Variants in FOXN3 observed in about 807,000 individuals in gnomAD.
FOXN3 encodes forkhead box N3.
In FOXN3, 7 loss-of-function variants were observed where a neutral mutation model predicts 38.4. The observed-to-expected ratio is 0.18, with a 90% confidence interval of 0.10 to 0.34. The LOEUF is 0.34. FOXN3 is among the 10% of genes least tolerant of loss of function. FOXN3 has a pLI of 1.00. For missense variants in FOXN3, 456 were observed against 613.4 expected (o/e 0.74, Z 2.71); for synonymous variants, 230 against 242.2 (o/e 0.95, Z 0.47).
intron 1 of FOXN3, among the ~76,000 whole-genome samples, chr14:89,485,915 A>G (rs1328716119): frequency 6.6e-6 from 1 of 152,118 alleles, no homozygotes; most frequent in Non-Finnish European, 1.5e-5. Context: ...CCACAGTGAC[A>G]AAGCCCAACT....
At chr14:89,297,458 G>A (rs1398593462) in intron 3 of FOXN3, among the ~76,000 whole-genome samples, 1 of 151,812 alleles carries the variant, frequency 6.6e-6, no homozygotes, top group Admixed American at 6.6e-5. Flanking sequence ...TACTCAGGAG[G>A]CTGAGGCGAG....
intron 1 of FOXN3, among the ~76,000 whole-genome samples, chr14:89,441,673 C>G (rs1892386362): frequency 6.6e-6 from 1 of 152,122 alleles, no homozygotes; most frequent in Admixed American, 6.5e-5. Context: ...AAGAAAGAGA[C>G]AGAAAGAGCT....
intron 5 of FOXN3, among the ~76,000 whole-genome samples, chr14:89,176,226 ACAT>A (rs761952712): frequency 3.9e-5 from 6 of 152,264 alleles, no homozygotes; most frequent in Non-Finnish European, 7.3e-5. Context: ...AGGAGATTTC[ACAT>A]CATAATTATA....
At chr14:89,499,575 CTAAAT>C (rs1225820518) in intron 1 of FOXN3, among the ~76,000 whole-genome samples, 7 of 150,582 alleles carry the variant, frequency 4.6e-5, no homozygotes, top group South Asian at 2.1e-4. Context: ...ATTTTAGTTT[CTAAAT>C]TAAATTAATT....
At chr14:89,222,016 G>A (rs1350947997) in intron 4 of FOXN3, among the ~76,000 whole-genome samples, 1 of 152,116 alleles carries the variant, frequency 6.6e-6, no homozygotes, top group Non-Finnish European at 1.5e-5. Context: ...TAGAGACGGG[G>A]TTTCACCGCG....
At chr14:89,422,143 AT>A (rs2140107319), upstream of FOXN3, among the ~76,000 whole-genome samples, 1 of 152,330 alleles carries the variant, frequency 6.6e-6, no homozygotes, top group South Asian at 2.1e-4. Context: ...AAGTGCTGGG[AT>A]TACAGGCATA....
intron 2 of FOXN3, among the ~76,000 whole-genome samples, chr14:89,409,711 G>C (rs1224083627): frequency 6.6e-6 from 1 of 152,086 alleles, no homozygotes; most frequent in African/African-American, 2.4e-5. Context: ...TCCCTTTCTT[G>C]CCACAAAGAC....
chr14:89,310,204 A>G (rs1410134174), intron 3 of FOXN3, among the ~76,000 whole-genome samples: 2 of 152,222 alleles, frequency 1.3e-5, no homozygotes, highest in Non-Finnish European at 2.9e-5. Context: ...CTTTAGGTCA[A>G]TGGCAGTCAG....
At chr14:89,256,329 A>G (rs557878605) in intron 4 of FOXN3, among the ~76,000 whole-genome samples, 1 of 152,318 alleles carries the variant, frequency 6.6e-6, no homozygotes, top group East Asian at 1.9e-4. Context: ...ACTGGCAATC[A>G]GAGGGGAGAG....
At chr14:89,401,198 T>C (rs1891233936) in intron 2 of FOXN3, among the ~76,000 whole-genome samples, 1 of 152,124 alleles carries the variant, frequency 6.6e-6, no homozygotes, top group South Asian at 2.1e-4. Context: ...TCCCAGCACT[T>C]TGGGAGGTTG....
chr14:89,328,192 G>A (rs1436133860), intron 3 of FOXN3, among the ~76,000 whole-genome samples: 1 of 152,228 alleles, frequency 6.6e-6, no homozygotes, highest in African/African-American at 2.4e-5. Flanking sequence ...TGTACGCTCT[G>A]ATGACAGGAA....
intron 1 of FOXN3, among the ~76,000 whole-genome samples, chr14:89,491,683 G>A (rs1025580751): frequency 2.0e-5 from 3 of 152,194 alleles, no homozygotes; most frequent in East Asian, 3.8e-4. Flanking sequence ...GCTCTGCCTC[G>A]GGAGGTTTAT....
At chr14:89,518,656 G>T (rs1303600997) in intron 1 of FOXN3, among the ~76,000 whole-genome samples, 2 of 152,206 alleles carry the variant, frequency 1.3e-5, no homozygotes, top group African/African-American at 2.4e-5. Context: ...AGGGAGAGAT[G>T]AATTTCAACC....
chr14:89,240,600 C>T (rs1885112150), intron 4 of FOXN3, among the ~76,000 whole-genome samples: 1 of 152,214 alleles, frequency 6.6e-6, no homozygotes, highest in South Asian at 2.1e-4. Context: ...TGCACATGGC[C>T]TGTGCCCATC....
Position 89,169,508 on chromosome 14 carries a change from T to TACAC in FOXN3, c.852-6543_852-6540dup, listed in dbSNP as rs56217837. Among the ~76,000 whole-genome samples, 919 of 149,938 alleles carry TACAC rather than the reference T, an allele frequency of 6.1e-3. 2 individuals carry two copies. The highest frequency in any genetic ancestry group is 0.011 in the South Asian group (51 of 4,730). ...ACAATAATAATAATGACTAAGTGGT[T>TACAC]ACACACACACACACACACACTCACA... On this transcript the variant is annotated intron_variant, in intron 5 of 5. Coordinates refer to ENST00000557258, the MANE Select transcript of FOXN3 (RefSeq NM_005197.4).
At chr14:89,523,742 A>G (rs527658843) in intron 1 of FOXN3, among the ~76,000 whole-genome samples, 1 of 149,120 alleles carries the variant, frequency 6.7e-6, no homozygotes, top group African/African-American at 2.5e-5. Context: ...GAAAGGTCTT[A>G]AATAAATTGA....
intron 1 of FOXN3, among the ~76,000 whole-genome samples, chr14:89,433,812 CAA>C (rs770167740): frequency 1.6e-4 from 15 of 91,830 alleles, no homozygotes; most frequent in Admixed American, 1.1e-4. Flanking sequence ...ACTCTGTCTC[CAA>C]AAAAAAAAAA....
At chr14:89,479,131 T>C (rs995644978) in intron 1 of FOXN3, among the ~76,000 whole-genome samples, 4 of 151,984 alleles carry the variant, frequency 2.6e-5, no homozygotes, top group Non-Finnish European at 5.9e-5. Context: ...CACCCTGGCA[T>C]CCACTGCCTC....
chr14:89,294,414 C>CGAAGAGTTTGGTGGCTACA (rs1246516214), intron 3 of FOXN3, among the ~76,000 whole-genome samples: 3 of 152,100 alleles, frequency 2.0e-5, no homozygotes, highest in Non-Finnish European at 4.4e-5. Flanking sequence ...CGTCTTCATT[C>CGAAGAGTTTGGTGGCTACA]GAAGAGTTTG....
Sources: gnomAD v4.1 joint callset for allele counts (sites outside exome capture counted in the v4.1 genomes callset) on GRCh38, gnomAD v4.1.1 for gene constraint, MANE v1.5 for transcripts, NCBI Gene and HGNC (gene_info 2026-07-23, HGNC 2026-07-21) for gene names.